SFMBT1: variants seen among roughly 807,000 people sequenced by gnomAD.
SFMBT1 encodes scm-like with four MBT domains protein 1.
In SFMBT1, 32 loss-of-function variants were observed where a neutral mutation model predicts 108.7. The observed-to-expected ratio is 0.29, with a 90% CI of 0.22 to 0.40. SFMBT1 has a LOEUF of 0.40. SFMBT1 is among the 10% of genes least tolerant of loss of function. The pLI, the probability that SFMBT1 is intolerant of heterozygous loss-of-function variation, is 1.00. For synonymous variants in SFMBT1, 348 were observed against 369.5 expected, an observed-to-expected ratio of 0.94 and a Z score of 0.67; for missense variants, 816 against 1,059.6, an observed-to-expected ratio of 0.77 and a Z score of 3.19.
chr3:52,999,132 T>A (rs1200136358), intron 1 of SFMBT1, among the ~76,000 whole-genome samples: 1 of 150,734 alleles, frequency 6.6e-6, no homozygotes, highest in Admixed American at 6.7e-5. Flanking sequence ...ACAAAGGCCG[T>A]CATGGAGATC....
At chr3:52,912,054 C>T (rs563489636) in intron 16 of SFMBT1, among the ~76,000 whole-genome samples, 4 of 152,158 alleles carry the variant, frequency 2.6e-5, no homozygotes, top group African/African-American at 7.2e-5. Flanking sequence ...ATGTATTGAT[C>T]CATGAAAGAA....
At chr3:52,961,967 AGAT>A (rs1233132602) in intron 2 of SFMBT1, among the ~76,000 whole-genome samples, 2 of 152,228 alleles carry the variant, frequency 1.3e-5, no homozygotes, top group Admixed American at 6.5e-5. Context: ...TGATGTGATG[AGAT>A]GATGAGCAAG....
chr3:53,029,807 G>A (rs1454116562), intron 1 of SFMBT1, among the ~76,000 whole-genome samples: 1 of 152,142 alleles, frequency 6.6e-6, no homozygotes, highest in East Asian at 1.9e-4. Flanking sequence ...GTGGAGGGTG[G>A]GGAGAATGGG....
At chr3:53,001,138 G>A (rs1698534594) in intron 1 of SFMBT1, among the ~76,000 whole-genome samples, 1 of 150,132 alleles carries the variant, frequency 6.7e-6, no homozygotes, top group African/African-American at 2.4e-5. Context: ...AGTGGTCATC[G>A]ACCCCCTTTC....
chr3:53,002,675 A>T (rs948450491), intron 1 of SFMBT1, among the ~76,000 whole-genome samples: 2 of 150,138 alleles, frequency 1.3e-5, no homozygotes, highest in East Asian at 3.9e-4. Context: ...AAAACCCTAC[A>T]GTCATTGGGC....
chr3:52,945,129 T>G (rs1364313283), intron 3 of SFMBT1, among the ~76,000 whole-genome samples: 1 of 23,314 alleles, frequency 4.3e-5, no homozygotes, highest in South Asian at 5.7e-3. Flanking sequence ...AAATACCACC[T>G]TCCAATTAAA....
chr3:52,922,850 C>T (rs1439382901), intron 10 of SFMBT1, among the ~76,000 whole-genome samples: 2 of 152,148 alleles, frequency 1.3e-5, no homozygotes, highest in African/African-American at 4.8e-5. Context: ...ACCAAAACAG[C>T]GGTTAGCCTA....
intron 1 of SFMBT1, among the ~76,000 whole-genome samples, chr3:53,044,198 A>G (rs891362543): frequency 6.6e-6 from 1 of 152,210 alleles, no homozygotes; most frequent in African/African-American, 2.4e-5. Context: ...AAAGACACAC[A>G]TTGCGAGCAC....
chr3:52,918,593 A>G, intron 12 of SFMBT1, 67 bp from the exon 13 acceptor site: 1 of 1,052,462 alleles, frequency 9.5e-7, no homozygotes, highest in East Asian at 2.6e-5. Flanking sequence ...TCATATGTGT[A>G]TTAAGGTTAC....
At chr3:52,908,929 G>A (rs983678325) in intron 17 of SFMBT1, among the ~76,000 whole-genome samples, 3 of 152,168 alleles carry the variant, frequency 2.0e-5, no homozygotes, top group Admixed American at 1.3e-4. Context: ...AAAAAAGAGA[G>A]AGACTAAGTC....
chr3:52,906,729 T>C (rs977659206), intron 19 of SFMBT1, among the ~76,000 whole-genome samples: 1 of 152,236 alleles, frequency 6.6e-6, no homozygotes, highest in Non-Finnish European at 1.5e-5. Context: ...GGATAACTTT[T>C]TTCTACAAAA....
chr3:52,906,065 T>C (rs2106755345), intron 20 of SFMBT1, 48 bp downstream of exon 20: 1 of 1,598,688 alleles, frequency 6.3e-7, no homozygotes, highest in South Asian at 1.1e-5. Flanking sequence ...ACATCCATAA[T>C]TTATTGCTAA....
chr3:52,961,226 C>T (rs1008067000), intron 2 of SFMBT1, among the ~76,000 whole-genome samples: 2 of 152,216 alleles, frequency 1.3e-5, no homozygotes, highest in Admixed American at 6.5e-5. Context: ...AAATGGATAC[C>T]TACAGTAGTC....
rs1306212047 is a variant in SFMBT1 at position 52,904,180 on chromosome 3, G to A, written c.*956C>T. On this transcript the variant is annotated 3_prime_UTR_variant, in exon 21 of 21. Transcript: ENST00000394752. ...CACCCAAAGTAAAGACCTTAGAAATGAAACAGAGGTAGACAAACAACTCTA... is the reference window on the plus strand; with the variant it reads ...CACCCAAAGTAAAGACCTTAGAAATAAAACAGAGGTAGACAAACAACTCTA... 1 of 152,160 alleles carries A rather than the reference G, an allele frequency of 6.6e-6. No homozygotes were observed. Among genetic ancestry groups the A allele is most frequent in the East Asian group, 1.9e-4 (1 of 5,194 alleles). The allele number at this position is 152,160 out of a possible 1,614,324, so 9.4% of individuals were successfully genotyped here. A position where few individuals can be genotyped will look rare whatever the true frequency, so the allele number is the denominator to read the frequency against.
At chr3:53,008,571 T>C (rs1698828034) in intron 1 of SFMBT1, among the ~76,000 whole-genome samples, 1 of 151,676 alleles carries the variant, frequency 6.6e-6, no homozygotes, top group South Asian at 2.1e-4. Flanking sequence ...AGGCTTTCCA[T>C]GTAGTAACAC....
intron 1 of SFMBT1, among the ~76,000 whole-genome samples, chr3:52,998,248 C>T (rs532620977): frequency 7.3e-5 from 11 of 149,886 alleles, no homozygotes; most frequent in Non-Finnish European, 1.3e-4. Context: ...AAAAATTTGC[C>T]GGGCGTGGTG....
At chr3:52,914,847 T>C (rs1426823071) in intron 14 of SFMBT1, among the ~76,000 whole-genome samples, 1 of 152,218 alleles carries the variant, frequency 6.6e-6, no homozygotes, top group Non-Finnish European at 1.5e-5. Flanking sequence ...TTTTCAGAAT[T>C]AAGGCACTCA....
intron 4 of SFMBT1, among the ~76,000 whole-genome samples, chr3:52,935,764 G>C (rs1333975448): frequency 6.6e-6 from 1 of 152,044 alleles, no homozygotes; most frequent in Non-Finnish European, 1.5e-5. Flanking sequence ...ATTACATCAG[G>C]ACCCAAGTGA....
At chr3:52,965,863 G>A (rs1329703195) in intron 2 of SFMBT1, among the ~76,000 whole-genome samples, 2 of 150,328 alleles carry the variant, frequency 1.3e-5, no homozygotes, top group African/African-American at 4.9e-5. Context: ...AAAATTAGCC[G>A]GGCGTGGTAG....
Sources: allele counts gnomAD v4.1 joint callset (sites outside exome capture counted in the v4.1 genomes callset), GRCh38; gene constraint gnomAD v4.1.1; transcripts MANE v1.5; gene names NCBI Gene and HGNC (gene_info 2026-07-23, HGNC 2026-07-21).